Variants in SNED1 observed in about 807,000 individuals in gnomAD.
SNED1 encodes sushi, nidogen and EGF like domains 1.
In SNED1, 81 loss-of-function variants were observed where a neutral mutation model predicts 166.7. The ratio of observed to expected loss-of-function variants is 0.49; its 90% CI spans 0.41 to 0.58. SNED1 has a LOEUF of 0.58. Ranked by LOEUF, SNED1 falls within the 20% of genes least tolerant of loss-of-function variation. The probability of loss-of-function intolerance (pLI) is 0.00; values close to 1 mark genes in which losing one functional copy is unlikely to be tolerated. For synonymous variants in SNED1, 762 were observed against 822.0 expected (o/e 0.93, Z 1.25); for missense variants, 1,604 against 2,000.2 (o/e 0.80, Z 3.78).
Position 241,033,027 on chromosome 2 carries a change from T to G in SNED1, c.502-708T>G, listed in dbSNP as rs148685701. On this transcript the variant is annotated intron_variant, in intron 2 of 31. Coordinates refer to ENST00000310397, the MANE Select transcript of SNED1 (RefSeq NM_001080437.3). ...CAAATGTTTAATTCTCCCTTTTGGTTTTTGCTGTGAACAAACATCACACTT... is the reference window on the plus strand; with the variant it reads ...CAAATGTTTAATTCTCCCTTTTGGTGTTTGCTGTGAACAAACATCACACTT... 1.1e-4 allele frequency among the ~76,000 whole-genome samples: 17 copies of G among 152,348 alleles called. No homozygotes were observed. In the East Asian group the frequency reaches 3.3e-3, roughly 29 times the overall value.
Position 241,031,823 on chromosome 2 carries a change from T to G in SNED1, c.501+1252T>G, listed in dbSNP as rs557851006. Among the ~76,000 whole-genome samples, 29 of 152,320 alleles carry G rather than the reference T, an allele frequency of 1.9e-4. No individual in the cohort carries two copies. The South Asian group carries it at 5.6e-3, about 29-fold the overall frequency. On this transcript the variant is annotated intron_variant, in intron 2 of 31. Coordinates refer to ENST00000310397, the MANE Select transcript of SNED1 (RefSeq NM_001080437.3). The stretch of plus-strand genomic sequence containing the variant: ...AGTTTCTCTAATGTTGACTTTTACA[T>G]AAGTGGAATGTACACTGTATGATCA...
At chr2:241,079,719 T>A (rs1156720436) in intron 27 of SNED1, among the ~76,000 whole-genome samples, 1 of 152,200 alleles carries the variant, frequency 6.6e-6, no homozygotes, top group Non-Finnish European at 1.5e-5. Flanking sequence ...CTAGTTATCA[T>A]GTGGATGGCA....
chr2:241,087,583 G>A lies in SNED1; in HGVS notation c.4205+108G>A, dbSNP rs910463988. ...TGCAGGCCTGTGGGCTGAGCCAGGC[G>A]GTCTACTCGCCCAGATAGGCAGCCC... On this transcript the variant is annotated intron_variant, in intron 30 of 31. Transcript: ENST00000310397. 86 of 1,458,040 alleles carry A rather than the reference G, an allele frequency of 5.9e-5. No individual in the cohort carries two copies. The South Asian group carries it at 6.1e-4, about 10-fold the overall frequency. 90.3% of individuals were successfully genotyped at this position (1,458,040 alleles called of 1,614,324 possible). A position where few individuals can be genotyped will look rare whatever the true frequency, so the allele number is the denominator to read the frequency against.
At chr2:241,036,654 G>T (rs942023169) in intron 4 of SNED1, 136 bp from the exon 5 acceptor site, 10 of 1,141,350 alleles carry the variant, frequency 8.8e-6, no homozygotes, top group Admixed American at 2.1e-5. Context: ...AAACCTGGCT[G>T]CTTTGCTGCG....
chr2:241,095,060 G>GCCC lies in SNED1; in HGVS notation c.*3437_*3439dup, dbSNP rs10573691. 7.6e-4 allele frequency: 69 copies of GCCC among 90,382 alleles called. 2 individuals are homozygous for GCCC. Among genetic ancestry groups the GCCC allele is most frequent in the South Asian group, 1.5e-3 (3 of 2,056 alleles). 5.6% of individuals were successfully genotyped at this position (90,382 alleles called of 1,614,324 possible). The stretch of plus-strand genomic sequence containing the variant: ...CTCATTGAGTTCCCTAAGGTGACAC[G>GCCC]CCCCCCCCCCCCCCCACACCCACCT... On this transcript the variant is annotated 3_prime_UTR_variant, in exon 32 of 32. Coordinates refer to ENST00000310397, the MANE Select transcript of SNED1 (RefSeq NM_001080437.3).
chr2:241,055,127 AAG>A (rs2062005190), intron 16 of SNED1, among the ~76,000 whole-genome samples: 1 of 151,542 alleles, frequency 6.6e-6, no homozygotes, highest in East Asian at 1.9e-4. Context: ...AAAAAAAAAA[AAG>A]AAAAAATATT....
rs536658985 is a variant in SNED1, at chr2:241,069,667, AGGGCCTG to A, written c.3308-249_3308-243del. On this transcript the variant is annotated intron_variant, in intron 23 of 31. Coordinates refer to ENST00000310397, the MANE Select transcript of SNED1 (RefSeq NM_001080437.3). The surrounding 1 kb of genome is among the most constrained non-coding windows in gnomAD (Gnocchi z 4.9). The stretch of plus-strand genomic sequence containing the variant: ...CAGGGAGGGCGCCAGCTGACGGGCC[AGGGCCTG>A]GGGGCTTCACAGGGTGGATCCTAAC... Among the ~76,000 whole-genome samples, 198 of 152,204 alleles carry A rather than the reference AGGGCCTG, an allele frequency of 1.3e-3. 1 individual carries two copies. Among genetic ancestry groups the A allele is most frequent in the African/African-American group, 4.8e-3 (198 of 41,534 alleles).
intron 21 of SNED1, 38 bp from the exon 22 acceptor site, chr2:241,067,726 G>T: frequency 6.4e-7 from 1 of 1,555,690 alleles, no homozygotes; most frequent in Non-Finnish European, 8.8e-7. Context: ...CAGGAGCAAG[G>T]AGGGGCCGGC....
chr2:241,071,747 C>T lies in SNED1; in HGVS notation c.3734+27C>T, dbSNP rs746716485. On this transcript the variant is annotated intron_variant, in intron 25 of 31. Transcript: ENST00000310397. ...TACATGCCCCACCCATCGGCCCCAT[C>T]GCCCGAGGCGGCGCTCGGACTGTGG... The T allele has an allele frequency of 2.3e-5, 31 of 1,329,016 alleles. No homozygotes were observed. In the East Asian group the frequency reaches 5.4e-4, roughly 23 times the overall value. 82.3% of individuals were successfully genotyped at this position (1,329,016 alleles called of 1,614,324 possible).
intron 1 of SNED1, among the ~76,000 whole-genome samples, chr2:241,017,449 C>T (rs555846920): frequency 6.6e-6 from 1 of 152,242 alleles, no homozygotes; most frequent in Non-Finnish European, 1.5e-5. Flanking sequence ...AGCAAGCCTG[C>T]TTTTTGCCCC....
intron 27 of SNED1, 48 bp from the exon 28 acceptor site, chr2:241,081,629 C>T (rs1316359466): frequency 2.2e-6 from 3 of 1,366,564 alleles, no homozygotes; most frequent in Non-Finnish European, 3.1e-6. Context: ...ATGAGGCAGG[C>T]CTGTCCTGGG....
At chr2:241,040,228 C>T (rs376120905) in intron 7 of SNED1, 40 bp downstream of exon 7, 31 of 1,568,524 alleles carry the variant, frequency 2.0e-5, no homozygotes, top group South Asian at 7.0e-5. Context: ...GGCTCCTGCC[C>T]GTGGCCAGGT....
At chr2:241,005,292 C>G (rs1036650573) in intron 1 of SNED1, among the ~76,000 whole-genome samples, 2 of 152,138 alleles carry the variant, frequency 1.3e-5, no homozygotes, top group Non-Finnish European at 2.9e-5. Context: ...CAACCTCTGC[C>G]TCCCGGGTTC....
intron 24 of SNED1, chr2:241,071,328 G>C: frequency 1.7e-6 from 1 of 580,948 alleles, no homozygotes; most frequent in East Asian, 2.8e-5. Context: ...ATGACTCCCA[G>C]GCCAGTGCAC....
chr2:241,082,362 C>A lies in SNED1; in HGVS notation c.4119C>A (p.His1373Gln). Residue 1373 changes from histidine to glutamine, a missense_variant and splice_region_variant, in exon 29 of 32, where the codon CAC becomes CAA. Transcript: ENST00000310397. ...FPVWEGGVCH[H>Q]VYKRVYRVHQ... ...TCTGGGAGGGAGGCGTCTGTCACCA[C>A]GTGTAAGTTGGTTTCTGTCCTCCGC... The A allele has an allele frequency of 6.2e-7, 1 of 1,612,356 alleles. No individual in the cohort carries two copies. The highest frequency in any genetic ancestry group is 8.5e-7 in the Non-Finnish European group (1 of 1,178,520).
intron 21 of SNED1, among the ~76,000 whole-genome samples, chr2:241,067,494 G>C (rs191498521): frequency 1.3e-5 from 2 of 152,224 alleles, no homozygotes; most frequent in African/African-American, 4.8e-5. Context: ...TCTAAATGGA[G>C]ACTAAGACCC....
intron 1 of SNED1, among the ~76,000 whole-genome samples, chr2:241,028,513 CCA>C (rs1487961828): frequency 6.6e-6 from 1 of 152,148 alleles, no homozygotes; most frequent in Non-Finnish European, 1.5e-5. Flanking sequence ...ATGTGGATGT[CCA>C]GTTTTGCTGG....
chr2:241,009,776 C>A (rs1449676495), intron 1 of SNED1, among the ~76,000 whole-genome samples: 1 of 151,932 alleles, frequency 6.6e-6, no homozygotes, highest in South Asian at 2.1e-4. Flanking sequence ...TGGAACAACC[C>A]CTTGGGTGAC....
At chr2:241,089,141 T>C in intron 31 of SNED1, 1 of 656,746 alleles carries the variant, frequency 1.5e-6, no homozygotes, top group Non-Finnish European at 2.6e-6. Flanking sequence ...GAGACTGGGA[T>C]ATACCATAGA....
Sources: allele counts gnomAD v4.1 joint callset (sites outside exome capture counted in the v4.1 genomes callset), GRCh38; gene constraint gnomAD v4.1.1; non-coding constraint Gnocchi (gnomAD v3.1); transcripts MANE v1.5; gene names NCBI Gene and HGNC (gene_info 2026-07-23, HGNC 2026-07-21).